TASP1: variants seen among roughly 807,000 people sequenced by gnomAD.
TASP1 encodes taspase 1, also known as threonine aspartase 1.
In TASP1, 16 loss-of-function variants were observed where a neutral mutation model predicts 56.6. The ratio of observed to expected loss-of-function variants is 0.28; its 90% CI spans 0.19 to 0.43. The LOEUF (loss-of-function observed/expected upper bound fraction) is 0.43, where lower values mean the gene tolerates loss of function less well. TASP1 is among the 20% of genes least tolerant of loss of function. The pLI is 1.00. For synonymous variants in TASP1, 179 were observed against 184.2 expected, an observed-to-expected ratio of 0.97 and a Z score of 0.23; for missense variants, 393 against 511.6, an observed-to-expected ratio of 0.77 and a Z score of 2.24.
At chr20:13,316,828 A>ATACT in the TASP1 span, among the ~76,000 whole-genome samples, 1 of 151,930 alleles carries the variant, frequency 6.6e-6, no homozygotes, top group African/African-American at 2.4e-5. Flanking sequence ...CCGATAGTTA[A>ATACT]TACTTAGCGG....
intron 4 of TASP1, among the ~76,000 whole-genome samples, chr20:13,590,772 A>G (rs1039968469): frequency 6.6e-6 from 1 of 152,154 alleles, no homozygotes; most frequent in Non-Finnish European, 1.5e-5. Context: ...AAGCTGAGGC[A>G]GGAGAATCAC....
rs528318756 is a variant in TASP1 at position 13,430,663 on chromosome 20, G to C, written c.1096+4381C>G. On this transcript the variant is annotated intron_variant, in intron 12 of 13. Coordinates refer to ENST00000337743, the MANE Select transcript of TASP1 (RefSeq NM_017714.3). The stretch of plus-strand genomic sequence containing the variant: ...TGCCATAAATTTATTGGTTGGAAGC[G>C]AGTCTCTAGTGTTTGGCTCACAGTC... 9.2e-5 allele frequency among the ~76,000 whole-genome samples: 14 copies of C among 152,280 alleles called. No individual in the cohort carries two copies. The South Asian group carries it at 2.9e-3, about 32-fold the overall frequency.
At chr20:13,233,606 A>AC in the TASP1 span, among the ~76,000 whole-genome samples, 2 of 152,010 alleles carry the variant, frequency 1.3e-5, no homozygotes, top group African/African-American at 4.8e-5. Flanking sequence ...AAAAAAAAAA[A>AC]AAAAAAAAGG....
intron 10 of TASP1, among the ~76,000 whole-genome samples, chr20:13,520,512 A>C (rs1215914677): frequency 6.6e-6 from 1 of 152,240 alleles, no homozygotes; most frequent in Non-Finnish European, 1.5e-5. Context: ...GACAAAAACA[A>C]GAAATGGGGA....
chr20:13,395,693 CT>C lies in TASP1; in HGVS notation c.1171-5242del, dbSNP rs71188158. On this transcript the variant is annotated intron_variant, in intron 13 of 13. Coordinates refer to ENST00000337743, the MANE Select transcript of TASP1 (RefSeq NM_017714.3). ...CATGATAATAGTCACCCTCAGCTTT[CT>C]TTTTTTTTTTTTTTTCTTTTTTCTT... Among the ~76,000 whole-genome samples the C allele has an allele frequency of 7.6e-3, 1,039 of 136,388 alleles. 3 individuals are homozygous for C. The highest frequency in any genetic ancestry group is 0.016 in the East Asian group (77 of 4,758). The allele number at this position is 136,388 out of a possible 152,430, so 89.5% of individuals were successfully genotyped here.
chr20:13,569,566 G>C lies in TASP1; in HGVS notation c.509C>G (p.Ala170Gly). ...IPPCFLVGEG[A>G]YRWAVDHGIP... ...TCCATGATCTACTGCCCATCTGTAGGCTCCTTCTCCAACTAAAAAGCTAAC... is the reference window on the plus strand; with the variant it reads ...TCCATGATCTACTGCCCATCTGTAGCCTCCTTCTCCAACTAAAAAGCTAAC... Residue 170 changes from alanine to glycine, a missense_variant, in exon 7 of 14, where the codon GCC becomes GGC. Physicochemically the swap from Ala to Gly is moderately conservative, Grantham distance 60. Transcript: ENST00000337743. 1 of 1,612,122 alleles carries C rather than the reference G, an allele frequency of 6.2e-7. No homozygotes were observed. Among genetic ancestry groups the C allele is most frequent in the Non-Finnish European group, 8.5e-7 (1 of 1,179,328 alleles).
At chr20:13,284,274 C>T in the TASP1 span, among the ~76,000 whole-genome samples, 3 of 152,198 alleles carry the variant, frequency 2.0e-5, no homozygotes, top group Admixed American at 6.5e-5. Flanking sequence ...GACTGGCCCA[C>T]AGGACGCTAG....
chr20:13,471,366 T>C (rs778852466), intron 11 of TASP1, among the ~76,000 whole-genome samples: 10 of 152,176 alleles, frequency 6.6e-5, no homozygotes, highest in Non-Finnish European at 1.0e-4. Flanking sequence ...AATACCTCTA[T>C]ACCAACATGG....
chr20:13,405,776 T>C (rs1297599493), intron 13 of TASP1, among the ~76,000 whole-genome samples: 1 of 151,336 alleles, frequency 6.6e-6, no homozygotes, highest in East Asian at 1.9e-4. Flanking sequence ...CAGGATAGTC[T>C]TGATCTCCTG....
the TASP1 span, among the ~76,000 whole-genome samples, chr20:13,339,173 G>A: frequency 6.6e-6 from 1 of 152,176 alleles, no homozygotes; most frequent in Non-Finnish European, 1.5e-5. Flanking sequence ...CATATGCTGT[G>A]ACTTGAATCC....
chr20:13,381,983 C>A, the TASP1 span, among the ~76,000 whole-genome samples: 1 of 152,162 alleles, frequency 6.6e-6, no homozygotes, highest in African/African-American at 2.4e-5. Flanking sequence ...CAGATGTGCA[C>A]ACCAGGATCC....
the TASP1 span, among the ~76,000 whole-genome samples, chr20:13,249,127 TTTGAA>T: frequency 6.6e-6 from 1 of 152,156 alleles, no homozygotes; most frequent in Non-Finnish European, 1.5e-5. Context: ...TAGGATGATT[TTTGAA>T]AAGATAAATA....
chr20:13,145,597 A>C, the TASP1 span, among the ~76,000 whole-genome samples: 1 of 152,220 alleles, frequency 6.6e-6, no homozygotes, highest in Non-Finnish European at 1.5e-5. Context: ...TATGCCCATC[A>C]AACTACCAAT....
At chr20:13,220,282 C>A in the TASP1 span, among the ~76,000 whole-genome samples, 4 of 152,218 alleles carry the variant, frequency 2.6e-5, no homozygotes, top group Non-Finnish European at 5.9e-5. Flanking sequence ...GAGGGAAGTG[C>A]GCGGTGCCAC....
the TASP1 span, among the ~76,000 whole-genome samples, chr20:13,127,157 G>A: frequency 6.6e-6 from 1 of 152,166 alleles, no homozygotes; most frequent in East Asian, 1.9e-4. Context: ...TGGCCATTGA[G>A]GATATATAGA....
chr20:13,492,371 T>C (rs1489150458), intron 10 of TASP1, among the ~76,000 whole-genome samples: 1 of 152,206 alleles, frequency 6.6e-6, no homozygotes. Flanking sequence ...TTGCAACATC[T>C]CTTTTTCAAC....
intron 11 of TASP1, among the ~76,000 whole-genome samples, chr20:13,476,391 G>T (rs981508002): frequency 4.6e-5 from 7 of 152,090 alleles, no homozygotes; most frequent in Non-Finnish European, 7.4e-5. Context: ...CCATTCATTT[G>T]AAAGTGTGAT....
chr20:13,462,882 A>T (rs1233032605), intron 11 of TASP1, among the ~76,000 whole-genome samples: 1 of 152,136 alleles, frequency 6.6e-6, no homozygotes, highest in African/African-American at 2.4e-5. Context: ...TAAAGGTACA[A>T]AAAATGGAAA....
the TASP1 span, among the ~76,000 whole-genome samples, chr20:13,213,650 AAGATAGCCAACACACC>A: frequency 6.6e-6 from 1 of 152,204 alleles, no homozygotes; most frequent in East Asian, 1.9e-4. Flanking sequence ...ACATAAGAAA[AAGATAGCCAACACACC>A]AACATATTCT....
Sources: gnomAD v4.1 joint callset for allele counts (sites outside exome capture counted in the v4.1 genomes callset) on GRCh38, gnomAD v4.1.1 for gene constraint, MANE v1.5 for transcripts, NCBI Gene and HGNC (gene_info 2026-07-23, HGNC 2026-07-21) for gene names.